The following HDLBP variants were observed in gnomAD, a reference collection of about 807,000 sequenced individuals.
The protein encoded by HDLBP is high density lipoprotein binding protein, also known as vigilin.
A neutral mutation model predicts 137.3 loss-of-function variants in HDLBP; 30 were observed. The ratio of observed to expected loss-of-function variants is 0.22; its 90% CI spans 0.16 to 0.30. HDLBP has a LOEUF of 0.30. Ranked by LOEUF, HDLBP falls within the 10% of genes least tolerant of loss-of-function variation. HDLBP has a pLI of 1.00. For missense variants in HDLBP, 1,119 were observed against 1,667.3 expected, an observed-to-expected ratio of 0.67 and a Z score of 5.73; for synonymous variants, 606 against 596.0, an observed-to-expected ratio of 1.02 and a Z score of -0.24.
At chr2:241,237,878 T>C (rs1320261439) in intron 20 of HDLBP, among the ~76,000 whole-genome samples, 3 of 152,220 alleles carry the variant, frequency 2.0e-5, no homozygotes, top group Admixed American at 2.0e-4. Context: ...ATTAGTTTCC[T>C]ACTCAAAACA....
chr2:241,234,981 C>A, intron 23 of HDLBP, 140 bp downstream of exon 23: 1 of 953,840 alleles, frequency 1.0e-6, no homozygotes, highest in Non-Finnish European at 1.6e-6. Flanking sequence ...ATGCTGACTG[C>A]GTCCTGGCAC....
At chr2:241,300,613 A>G (rs1009910120) in intron 1 of HDLBP, among the ~76,000 whole-genome samples, 10 of 152,254 alleles carry the variant, frequency 6.6e-5, no homozygotes, top group Non-Finnish European at 5.9e-5. Context: ...CAATAAAGCC[A>G]TATGACCAAC....
At chr2:241,271,761 TCTC>T (rs1192547480) in intron 1 of HDLBP, among the ~76,000 whole-genome samples, 3 of 149,556 alleles carry the variant, frequency 2.0e-5, no homozygotes, top group South Asian at 4.3e-4. Context: ...AACCCAGACT[TCTC>T]CTCTTCCAAA....
At chr2:241,279,022 C>T (rs2074500752) in intron 1 of HDLBP, among the ~76,000 whole-genome samples, 1 of 147,724 alleles carries the variant, frequency 6.8e-6, no homozygotes, top group African/African-American at 2.5e-5. Flanking sequence ...GAGACTCTGT[C>T]CCCTCTCCAC....
At chr2:241,252,012 TGCA>T (rs2072239716) in intron 11 of HDLBP, among the ~76,000 whole-genome samples, 1 of 152,068 alleles carries the variant, frequency 6.6e-6, no homozygotes, top group Non-Finnish European at 1.5e-5. Flanking sequence ...TCCTTGGACC[TGCA>T]GCAGAATGCC....
Position 241,272,060 on chromosome 2 carries a change from C to A in HDLBP, c.-102-3519G>T, listed in dbSNP as rs1574991439. On this transcript the variant is annotated intron_variant, in intron 1 of 27. Coordinates refer to ENST00000310931, the MANE Select transcript of HDLBP (RefSeq NM_005336.6). The surrounding 1 kb of genome is among the most constrained non-coding windows in gnomAD (Gnocchi z 5.6). ...ACCCCTCGGCCTCCCCGCCTTTCAT[C>A]CAAATTCGGTACTTTTCCGTAATGT... 2.3e-6 allele frequency: 1 copy of A among 442,686 alleles called. No individual in the cohort carries two copies. Among genetic ancestry groups the A allele is most frequent in the Non-Finnish European group, 3.0e-6 (1 of 333,516 alleles). The allele number at this position is 442,686 out of a possible 1,614,324, so 27.4% of individuals were successfully genotyped here.
At chr2:241,299,174 G>A (rs1037454014) in intron 1 of HDLBP, among the ~76,000 whole-genome samples, 5 of 152,114 alleles carry the variant, frequency 3.3e-5, no homozygotes, top group Non-Finnish European at 5.9e-5. Context: ...ATTCAGGATC[G>A]TTTTTTAAAA....
chr2:241,277,373 G>A (rs1218791258), intron 1 of HDLBP, among the ~76,000 whole-genome samples: 1 of 152,072 alleles, frequency 6.6e-6, no homozygotes, highest in Non-Finnish European at 1.5e-5. Flanking sequence ...ATACCACAAA[G>A]GATAAACAAA....
At chr2:241,255,985 G>C (rs988512811) in intron 7 of HDLBP, among the ~76,000 whole-genome samples, 199 bp downstream of exon 7, 10 of 152,228 alleles carry the variant, frequency 6.6e-5, no homozygotes, top group Non-Finnish European at 1.3e-4. Flanking sequence ...AGGACGGCAA[G>C]GACAACTGCC....
chr2:241,239,845 G>A lies in HDLBP; in HGVS notation c.2392-25C>T. 1.2e-6 allele frequency: 2 copies of A among 1,611,934 alleles called. No individual in the cohort carries two copies. Among genetic ancestry groups the A allele is most frequent in the Non-Finnish European group, 1.7e-6 (2 of 1,178,312 alleles). On this transcript the variant is annotated intron_variant, in intron 18 of 27. Coordinates refer to ENST00000310931, the MANE Select transcript of HDLBP (RefSeq NM_005336.6). The surrounding 1 kb of genome is among the most constrained non-coding windows in gnomAD (Gnocchi z 4.6). The stretch of plus-strand genomic sequence containing the variant: ...CCTGCAGTGTTAAGAAGAGATGGAA[G>A]ATAAGCCACCCCATCACGGCCCCAG...
chr2:241,234,246 G>A (rs2070132557), intron 23 of HDLBP, among the ~76,000 whole-genome samples: 1 of 152,230 alleles, frequency 6.6e-6, no homozygotes, highest in South Asian at 2.1e-4. Context: ...GACAGAGCTA[G>A]GCAGTGAGTC....
chr2:241,284,712 A>C (rs551935194), intron 1 of HDLBP, among the ~76,000 whole-genome samples: 28 of 152,170 alleles, frequency 1.8e-4, no homozygotes, highest in Admixed American at 1.2e-3. Context: ...CAATGCAGTA[A>C]ACTTCATTGT....
chr2:241,302,816 T>C (rs2075438110), intron 1 of HDLBP: 1 of 152,332 alleles, frequency 6.6e-6, no homozygotes, highest in African/African-American at 2.4e-5. Context: ...GTAGCTGCTG[T>C]CTTGGCACCC....
intron 21 of HDLBP, 158 bp from the exon 22 acceptor site, chr2:241,235,752 A>C: frequency 1.7e-6 from 1 of 584,326 alleles, no homozygotes. Context: ...ACTCAATAGA[A>C]AAGAATAGGA....
chr2:241,249,296 A>T, intron 12 of HDLBP: 1 of 470,880 alleles, frequency 2.1e-6, no homozygotes, highest in Non-Finnish European at 4.4e-6. Context: ...CTCACGCAGT[A>T]TTTGACTTCT....
intron 3 of HDLBP, among the ~76,000 whole-genome samples, chr2:241,266,128 A>G (rs1414767463): frequency 6.6e-6 from 1 of 152,248 alleles, no homozygotes; most frequent in Non-Finnish European, 1.5e-5. Context: ...AGGATTTTGG[A>G]TGAAAATCTG....
At chr2:241,252,283 C>T (rs1574923174) in intron 11 of HDLBP, among the ~76,000 whole-genome samples, 1 of 152,204 alleles carries the variant, frequency 6.6e-6, no homozygotes, top group African/African-American at 2.4e-5. Flanking sequence ...GGGCAGATCA[C>T]CTGAGCCCAG....
chr2:241,229,624 G>A lies in HDLBP; in HGVS notation c.3784C>T (p.Leu1262Phe). ...SFGAQVAPKT[L>F]PWGPKR ...CATTATCGTTTGGGGCCCCAAGGGA[G>A]GGTCTTGGGAGCCACCTGAGCCCCA... is the stretch of plus-strand genomic sequence containing the variant. Residue 1262 changes from leucine (L) to phenylalanine (F), a missense_variant, in exon 28 of 28, where the codon CTC (leucine) becomes TTC (phenylalanine). Leu to Phe is a conservative substitution (Grantham distance 22). This residue lies in a region of HDLBP where 618 missense variants were observed against 816.7 expected (regional missense o/e 0.76). Coordinates refer to ENST00000310931, the MANE Select transcript of HDLBP (RefSeq NM_005336.6). 6.2e-7 allele frequency: 1 copy of A among 1,613,932 alleles called. No homozygotes were observed. The highest frequency in any genetic ancestry group is 8.5e-7 in the Non-Finnish European group (1 of 1,179,840).
At chr2:241,274,366 C>G (rs1046392798) in intron 1 of HDLBP, among the ~76,000 whole-genome samples, 2 of 152,220 alleles carry the variant, frequency 1.3e-5, no homozygotes, top group South Asian at 4.1e-4. Flanking sequence ...CAGCACGGAA[C>G]TGGGCAGGTG....
Sources: allele counts gnomAD v4.1 joint callset (sites outside exome capture counted in the v4.1 genomes callset), GRCh38; gene constraint gnomAD v4.1.1; regional missense constraint gnomAD v4.1.1; non-coding constraint Gnocchi (gnomAD v3.1); transcripts MANE v1.5; gene names NCBI Gene and HGNC (gene_info 2026-07-23, HGNC 2026-07-21).